Variants in PTPRD observed in about 807,000 individuals in gnomAD.
PTPRD encodes the protein receptor-type tyrosine-protein phosphatase delta.
Under a neutral mutation model 214.5 loss-of-function variants are expected in PTPRD, and 34 were observed. That is an observed-to-expected ratio of 0.16 (90% CI 0.12 to 0.21). The LOEUF (loss-of-function observed/expected upper bound fraction) is 0.21. PTPRD is among the 10% of genes least tolerant of loss of function. PTPRD has a pLI of 1.00. For synonymous variants in PTPRD, 1,128 were observed against 845.7 expected, an observed-to-expected ratio of 1.33 and a Z score of -5.79; for missense variants, 2,545 against 2,398.7, an observed-to-expected ratio of 1.06 and a Z score of -1.27.
At chr9:8,737,534 AG>A (rs1308815705) in intron 11 of PTPRD, among the ~76,000 whole-genome samples, 1 of 151,696 alleles carries the variant, frequency 6.6e-6, no homozygotes, top group African/African-American at 2.4e-5. Flanking sequence ...AAAAAAAAAA[AG>A]AGCAAGGAGG....
chr9:8,449,779 A>T lies in PTPRD; in HGVS notation c.3934T>A (p.Ser1312Thr). 1.9e-6 allele frequency: 3 copies of T among 1,614,090 alleles called. No homozygotes were observed. Among genetic ancestry groups the T allele is most frequent in the Non-Finnish European group, 2.5e-6 (3 of 1,179,978 alleles). The part of the protein sequence containing the change: ...SSIPNNKEIP[S>T]HHPTDPVELR... ...TCTACAGGGTCTGTTGGGTGGTGTG[A>T]AGGGATCTCCTTATTGTTCGGTATG... The change falls in exon 34 of 46, where the codon TCA becomes ACA. Residue 1312 changes from serine (S) to threonine (T), a missense_variant. Physicochemically the swap from Ser to Thr is moderately conservative, Grantham distance 58. Transcript: ENST00000381196.
intron 11 of PTPRD, among the ~76,000 whole-genome samples, chr9:8,878,010 G>A (rs1464292885): frequency 1.3e-5 from 2 of 152,210 alleles, no homozygotes; most frequent in African/African-American, 4.8e-5. Flanking sequence ...CTAGTCTTAA[G>A]GAGGTTGTCA....
chr9:9,875,100 C>A (rs770858469), intron 5 of PTPRD, among the ~76,000 whole-genome samples: 4 of 151,998 alleles, frequency 2.6e-5, no homozygotes, highest in Non-Finnish European at 5.9e-5. Context: ...TATTGTAATT[C>A]TTAAATATTT....
intron 19 of PTPRD, 96 bp downstream of exon 19, chr9:8,523,417 G>T: frequency 7.0e-7 from 1 of 1,426,906 alleles, no homozygotes; most frequent in Non-Finnish European, 9.7e-7. Context: ...ACCAAAAGAA[G>T]AACACAATGC....
In PTPRD at chr9:9,355,463, A is replaced by G. The variant is rs544048702; in HGVS notation, c.-203+41986T>C. 4.6e-5 allele frequency among the ~76,000 whole-genome samples: 7 copies of G among 151,850 alleles called. No homozygotes were observed. In the East Asian group the frequency reaches 1.2e-3, roughly 25 times the overall value. On this transcript the variant is annotated intron_variant, in intron 9 of 45. Coordinates refer to ENST00000381196, the MANE Select transcript of PTPRD (RefSeq NM_002839.4). Reference sequence around the variant, plus strand: ...TTTTTTATATATTGGAATGTCATGAATAAGATAAAGAGTGGGTTAAAAACC... The same window carrying G: ...TTTTTTATATATTGGAATGTCATGAGTAAGATAAAGAGTGGGTTAAAAACC...
intron 3 of PTPRD, among the ~76,000 whole-genome samples, chr9:10,329,626 C>A (rs773426705): frequency 6.6e-5 from 10 of 151,616 alleles, no homozygotes; most frequent in Admixed American, 1.3e-4. Context: ...TATACAAATA[C>A]CTGTTTTTAA....
At chr9:8,415,837 C>A (rs1355073154) in intron 35 of PTPRD, among the ~76,000 whole-genome samples, 2 of 151,800 alleles carry the variant, frequency 1.3e-5, no homozygotes, top group African/African-American at 4.8e-5. Context: ...GCCACCAAGA[C>A]CACACAACTA....
At chr9:10,347,642 C>A (rs1390411982) in intron 2 of PTPRD, among the ~76,000 whole-genome samples, 1 of 151,918 alleles carries the variant, frequency 6.6e-6, no homozygotes, top group Non-Finnish European at 1.5e-5. Flanking sequence ...AATTCCCAAC[C>A]TCAGGTGACC....
At chr9:10,007,548 G>C (rs959670576) in intron 4 of PTPRD, among the ~76,000 whole-genome samples, 1 of 151,968 alleles carries the variant, frequency 6.6e-6, no homozygotes, top group Non-Finnish European at 1.5e-5. Context: ...AAGCATTAAA[G>C]AGCTGAACCA....
chr9:10,281,157 A>T lies in PTPRD; in HGVS notation c.-545+59806T>A, dbSNP rs149870805. On this transcript the variant is annotated intron_variant, in intron 3 of 45. Transcript: ENST00000381196. ...TAAGTGAATATTCTAATGAGTAAAT[A>T]ACAAATGAAAAGAAACATCTGAAAA... Among the ~76,000 whole-genome samples the T allele has an allele frequency of 3.3e-5, 5 of 152,328 alleles. No individual in the cohort carries two copies. The East Asian group carries it at 9.6e-4, about 29-fold the overall frequency.
chr9:10,190,411 AAAAAAAAAAC>A lies in PTPRD; in HGVS notation c.-545+150542_-545+150551del, dbSNP rs1564421953. On this transcript the variant is annotated intron_variant, in intron 3 of 45. Transcript: ENST00000381196. ...GAAAAAAAAAAAAAAAAAAAAAAAA[AAAAAAAAAAC>A]AAAAAGTCAAAGTGGGCCAGGCGCT... Among the ~76,000 whole-genome samples, 18 of 89,938 alleles carry A rather than the reference AAAAAAAAAAC, an allele frequency of 2.0e-4. 3 individuals are homozygous for A. The highest frequency in any genetic ancestry group is 1.2e-3 in the African/African-American group (18 of 15,502). The allele number at this position is 89,938 out of a possible 152,430, so 59.0% of individuals were successfully genotyped here.
intron 4 of PTPRD, among the ~76,000 whole-genome samples, chr9:9,954,624 G>A (rs983495928): frequency 6.6e-6 from 1 of 151,864 alleles, no homozygotes; most frequent in African/African-American, 2.4e-5. Context: ...ATATTAACTA[G>A]TTTTCTTTTA....
At chr9:8,746,048 C>T (rs1340400280) in intron 11 of PTPRD, among the ~76,000 whole-genome samples, 3 of 152,126 alleles carry the variant, frequency 2.0e-5, no homozygotes, top group African/African-American at 4.8e-5. Context: ...CCCAAACTGG[C>T]CTCCCAAGGT....
chr9:9,504,122 T>G (rs1195861679), intron 8 of PTPRD, among the ~76,000 whole-genome samples: 1 of 151,674 alleles, frequency 6.6e-6, no homozygotes, highest in South Asian at 2.1e-4. Flanking sequence ...CTTTACAGAG[T>G]CTCTCTCTAT....
chr9:8,513,303 T>C (rs2097718197), intron 21 of PTPRD, among the ~76,000 whole-genome samples: 1 of 152,098 alleles, frequency 6.6e-6, no homozygotes, highest in African/African-American at 2.4e-5. Flanking sequence ...TCTCATTTTC[T>C]GTATTACCAG....
intron 8 of PTPRD, among the ~76,000 whole-genome samples, chr9:9,516,114 G>C (rs1050114316): frequency 3.3e-5 from 5 of 152,068 alleles, no homozygotes; most frequent in Non-Finnish European, 5.9e-5. Flanking sequence ...TCTAATCTTT[G>C]AAAATTAAAA....
intron 21 of PTPRD, among the ~76,000 whole-genome samples, chr9:8,515,417 T>C (rs1361861717): frequency 6.6e-6 from 1 of 152,194 alleles, no homozygotes; most frequent in Non-Finnish European, 1.5e-5. Context: ...ATCTAATCTA[T>C]ACCCTGTTAT....
intron 4 of PTPRD, among the ~76,000 whole-genome samples, chr9:9,958,948 T>G (rs769399409): frequency 2.6e-5 from 4 of 152,154 alleles, no homozygotes; most frequent in Non-Finnish European, 4.4e-5. Flanking sequence ...TTTGGTGGGC[T>G]TTTAAAACTA....
chr9:10,511,599 A>G (rs1316075906), intron 2 of PTPRD, among the ~76,000 whole-genome samples: 1 of 122,360 alleles, frequency 8.2e-6, no homozygotes. Flanking sequence ...TATTTTTAGT[A>G]CAGACAGGAT....
Sources: allele counts gnomAD v4.1 joint callset (sites outside exome capture counted in the v4.1 genomes callset), GRCh38; gene constraint gnomAD v4.1.1; transcripts MANE v1.5; gene names NCBI Gene and HGNC (gene_info 2026-07-23, HGNC 2026-07-21).